GXYLT1: variants seen among roughly 807,000 people sequenced by gnomAD.
The protein encoded by GXYLT1 is glucoside xylosyltransferase 1.
Under a neutral mutation model 54.0 loss-of-function variants are expected in GXYLT1, and 29 were observed. That is an observed-to-expected ratio of 0.54 (90% confidence interval 0.40 to 0.73). The LOEUF (loss-of-function observed/expected upper bound fraction) is 0.73. Among genes scored for constraint, GXYLT1 ranks in the 30% least tolerant of loss-of-function variants. The pLI is 0.00. For missense variants in GXYLT1, 490 were observed against 553.4 expected, an observed-to-expected ratio of 0.89 and a Z score of 1.15; for synonymous variants, 176 against 204.1, an observed-to-expected ratio of 0.86 and a Z score of 1.17.
chr12:42,113,623 T>C (rs1278815985), intron 3 of GXYLT1, among the ~76,000 whole-genome samples: 3 of 150,782 alleles, frequency 2.0e-5, no homozygotes, highest in Admixed American at 1.3e-4. Context: ...AGCACCCAGA[T>C]TCATAAAGCA....
chr12:42,109,063 T>G (rs1592110134), intron 4 of GXYLT1, among the ~76,000 whole-genome samples: 1 of 152,208 alleles, frequency 6.6e-6, no homozygotes, highest in African/African-American at 2.4e-5. Context: ...GAATAAATAG[T>G]TCCCATTTTC....
chr12:42,114,428 T>G (rs926708549), intron 3 of GXYLT1, among the ~76,000 whole-genome samples: 2 of 151,888 alleles, frequency 1.3e-5, no homozygotes, highest in African/African-American at 4.8e-5. Context: ...ATACACGCAA[T>G]AAAACATGAT....
chr12:42,140,212 G>GA (rs57417578), intron 1 of GXYLT1, among the ~76,000 whole-genome samples: 2 of 101,414 alleles, frequency 2.0e-5, no homozygotes, highest in African/African-American at 7.5e-5. Context: ...GGGGGGGGGG[G>GA]ACTTCACTAA....
intron 1 of GXYLT1, among the ~76,000 whole-genome samples, chr12:42,136,914 C>A (rs150232555): frequency 1.2e-4 from 18 of 152,156 alleles, no homozygotes; most frequent in African/African-American, 3.9e-4. Context: ...GCTGGGACCA[C>A]AGGCGCACAC....
intron 6 of GXYLT1, 115 bp from the exon 7 acceptor site, chr12:42,097,729 A>C (rs2065364432): frequency 9.0e-7 from 1 of 1,111,746 alleles, no homozygotes; most frequent in Non-Finnish European, 1.3e-6. Flanking sequence ...TTAATGAAAA[A>C]TGTCTGGCAT....
chr12:42,111,136 A>C (rs534285248), intron 3 of GXYLT1, among the ~76,000 whole-genome samples: 42 of 152,308 alleles, frequency 2.8e-4, no homozygotes, highest in African/African-American at 9.9e-4. Flanking sequence ...ATATTTTAAA[A>C]AACAATCCAG....
At chr12:42,088,013 A>T in intron 7 of GXYLT1, 66 bp from the exon 8 acceptor site, 1 of 737,098 alleles carries the variant, frequency 1.4e-6, no homozygotes, top group Non-Finnish European at 2.1e-6. Flanking sequence ...AAGTTCAATT[A>T]TTTTCCAAAC....
chr12:42,106,038 T>C lies in GXYLT1; in HGVS notation c.644A>G (p.Tyr215Cys), dbSNP rs771978696. 3.7e-6 allele frequency: 6 copies of C among 1,604,298 alleles called. No individual in the cohort carries two copies. Among genetic ancestry groups the C allele is most frequent in the Non-Finnish European group, 5.1e-6 (6 of 1,171,542 alleles). The change falls in exon 5 of 8, where the codon TAT (tyrosine) becomes TGT (cysteine). Residue 215 changes from tyrosine (Y) to cysteine (C), a missense_variant. By Grantham distance (194) the Tyr-to-Cys change is radical (BLOSUM62 -2). Coordinates refer to ENST00000398675, the MANE Select transcript of GXYLT1 (RefSeq NM_173601.2). ...LILKEVDSLLYVDTDILFLRP... is the reference protein window; with the variant it reads ...LILKEVDSLLCVDTDILFLRP... ...TAAAAAAAGGATATCAGTGTCGACATACAATAGTGAGTCAACTTCTTTCAG... is the reference window on the plus strand; with the variant it reads ...TAAAAAAAGGATATCAGTGTCGACACACAATAGTGAGTCAACTTCTTTCAG...
intron 7 of GXYLT1, among the ~76,000 whole-genome samples, chr12:42,090,759 G>A (rs1427248127): frequency 1.3e-5 from 2 of 152,190 alleles, no homozygotes; most frequent in Non-Finnish European, 2.9e-5. Context: ...TTTGCAGAGA[G>A]TTTTGCAAAT....
intron 7 of GXYLT1, among the ~76,000 whole-genome samples, chr12:42,088,712 G>A (rs912562151): frequency 2.6e-5 from 4 of 152,068 alleles, no homozygotes; most frequent in Non-Finnish European, 5.9e-5. Flanking sequence ...TTGTGATTTA[G>A]TATTTTCAAC....
rs572536334 is a variant in GXYLT1 at position 42,085,529 on chromosome 12, C to T, written c.*2257G>A. The stretch of plus-strand genomic sequence containing the variant: ...AATATTTCAAAATCACATTTATAAT[C>T]CACCAAACGTGCCAAGAATTGTGGT... On this transcript the variant is annotated 3_prime_UTR_variant, in exon 8 of 8. Coordinates refer to ENST00000398675, the MANE Select transcript of GXYLT1 (RefSeq NM_173601.2). 7.2e-5 allele frequency: 11 copies of T among 152,390 alleles called. No homozygotes were observed. Among genetic ancestry groups the T allele is most frequent in the African/African-American group, 2.6e-4 (11 of 41,594 alleles). The allele number at this position is 152,390 out of a possible 1,614,324, so 9.4% of individuals were successfully genotyped here.
intron 1 of GXYLT1, among the ~76,000 whole-genome samples, chr12:42,141,612 A>G (rs1470850605): frequency 6.6e-6 from 1 of 152,130 alleles, no homozygotes; most frequent in Non-Finnish European, 1.5e-5. Flanking sequence ...TTCTCAATGT[A>G]TATGTATGTC....
chr12:42,142,034 AAGAG>A (rs1416595921), intron 1 of GXYLT1, among the ~76,000 whole-genome samples: 1 of 152,214 alleles, frequency 6.6e-6, no homozygotes, highest in Non-Finnish European at 1.5e-5. Context: ...TTAAAATAAA[AAGAG>A]AGAAATAGTT....
chr12:42,094,448 G>A (rs1329944219), intron 7 of GXYLT1, among the ~76,000 whole-genome samples: 2 of 151,396 alleles, frequency 1.3e-5, no homozygotes, highest in Non-Finnish European at 2.9e-5. Flanking sequence ...GCTTCAGCTC[G>A]GTAATTCAAG....
intron 2 of GXYLT1, among the ~76,000 whole-genome samples, chr12:42,122,836 T>G (rs1272635943): frequency 6.6e-6 from 1 of 152,180 alleles, no homozygotes; most frequent in Non-Finnish European, 1.5e-5. Context: ...ATAAAAGCAC[T>G]GTTACAGTGT....
intron 7 of GXYLT1, among the ~76,000 whole-genome samples, chr12:42,088,683 G>GT (rs2065311390): frequency 1.3e-5 from 2 of 152,086 alleles, no homozygotes; most frequent in South Asian, 4.2e-4. Context: ...AGTAATCTTT[G>GT]TATTTTCAAC....
intron 1 of GXYLT1, among the ~76,000 whole-genome samples, chr12:42,132,541 C>A (rs2065598768): frequency 6.6e-6 from 1 of 152,070 alleles, no homozygotes; most frequent in Non-Finnish European, 1.5e-5. Context: ...TCTTTACTAC[C>A]CCATATTTCA....
intron 1 of GXYLT1, among the ~76,000 whole-genome samples, chr12:42,143,851 G>A (rs1206358230): frequency 6.6e-6 from 1 of 152,120 alleles, no homozygotes; most frequent in Non-Finnish European, 1.5e-5. Flanking sequence ...TTTGCTCTAA[G>A]TTTCTTAATA....
intron 5 of GXYLT1, among the ~76,000 whole-genome samples, chr12:42,098,457 G>T (rs200111073): frequency 2.3e-4 from 2 of 8,548 alleles, no homozygotes; most frequent in African/African-American, 1.9e-3. Context: ...CTATTAGTCT[G>T]ATTTATTTGC....
Sources: allele counts gnomAD v4.1 joint callset (sites outside exome capture counted in the v4.1 genomes callset), GRCh38; gene constraint gnomAD v4.1.1; transcripts MANE v1.5; gene names NCBI Gene and HGNC (gene_info 2026-07-23, HGNC 2026-07-21).